Variants in MTPAP observed in about 807,000 individuals in gnomAD.
MTPAP encodes poly(A) RNA polymerase, mitochondrial.
A neutral mutation model predicts 48.7 loss-of-function variants in MTPAP; 23 were observed. The ratio of observed to expected loss-of-function variants is 0.47; its 90% CI spans 0.34 to 0.67. The LOEUF is 0.67. Among genes scored for constraint, MTPAP ranks in the 30% least tolerant of loss-of-function variants. The probability of loss-of-function intolerance (pLI) is 0.01; values close to 1 mark genes in which losing one functional copy is unlikely to be tolerated. For synonymous variants in MTPAP, 257 were observed against 254.1 expected, an observed-to-expected ratio of 1.01 and a Z score of -0.11; for missense variants, 614 against 694.3, an observed-to-expected ratio of 0.88 and a Z score of 1.30.
chr10:30,332,886 C>T lies in MTPAP; in HGVS notation c.780+3917G>A, dbSNP rs374637080. Among the ~76,000 whole-genome samples, 4 of 152,024 alleles carry T rather than the reference C, an allele frequency of 2.6e-5. No individual in the cohort carries two copies. The East Asian group carries it at 7.7e-4, about 29-fold the overall frequency. On this transcript the variant is annotated intron_variant, in intron 4 of 8. Transcript: ENST00000263063. Reference sequence around the variant, plus strand: ...CCTGTAATCCCAGCACTTTGGGAGGCAGAGGCAGGCAGATCACGAGGTCAG... The same window carrying T: ...CCTGTAATCCCAGCACTTTGGGAGGTAGAGGCAGGCAGATCACGAGGTCAG...
At position 30,313,615 on chromosome 10, in the gene MTPAP, CTGAGTACTA is replaced by C; in HGVS notation, c.1734_1742del (p.Ile578_Gln581delinsMet). Reference sequence around the variant, plus strand: ...TTACACAATGTAGCAGCCATCATGTCTGAGTACTAATTGTTCTCTTCCCACTGGTTTTTG... The same window carrying C: ...TTACACAATGTAGCAGCCATCATGTCATTGTTCTCTTCCCACTGGTTTTTG... On this transcript the variant is annotated inframe_deletion, in exon 9 of 9. Coordinates refer to ENST00000263063, the MANE Select transcript of MTPAP (RefSeq NM_018109.4). 1 of 1,614,190 alleles carries C rather than the reference CTGAGTACTA, an allele frequency of 6.2e-7. No individual in the cohort carries two copies. Among genetic ancestry groups the C allele is most frequent in the Non-Finnish European group, 8.5e-7 (1 of 1,180,016 alleles).
At chr10:30,335,511 T>C (rs1217359870) in intron 4 of MTPAP, among the ~76,000 whole-genome samples, 1 of 151,962 alleles carries the variant, frequency 6.6e-6, no homozygotes, top group Non-Finnish European at 1.5e-5. Context: ...AAAATAAAAA[T>C]AAATAGCCTT....
At chr10:30,316,350 C>T (rs1840662107) in intron 6 of MTPAP, 140 bp from the exon 7 acceptor site, 1 of 704,692 alleles carries the variant, frequency 1.4e-6, no homozygotes, top group African/African-American at 1.8e-5. Context: ...TCCAGCAATT[C>T]TCCTGCCTCA....
chr10:30,321,821 A>G (rs180961461), intron 6 of MTPAP, among the ~76,000 whole-genome samples: 6 of 152,356 alleles, frequency 3.9e-5, no homozygotes, highest in Admixed American at 1.3e-4. Flanking sequence ...ATTTTATAAC[A>G]TAACTTCTCC....
intron 1 of MTPAP, among the ~76,000 whole-genome samples, chr10:30,342,646 G>T (rs1834826084): frequency 6.6e-6 from 1 of 151,214 alleles, no homozygotes; most frequent in Admixed American, 6.6e-5. Flanking sequence ...AAGCCTAAAA[G>T]AAATTATTAC....
chr10:30,323,183 T>C (rs1329175506), intron 5 of MTPAP, among the ~76,000 whole-genome samples: 2 of 148,480 alleles, frequency 1.3e-5, no homozygotes, highest in East Asian at 4.0e-4. Context: ...CCAGGCGTAG[T>C]GGCTCATGCC....
At chr10:30,347,539 C>T (rs1297726749) in intron 1 of MTPAP, among the ~76,000 whole-genome samples, 1 of 152,168 alleles carries the variant, frequency 6.6e-6, no homozygotes, top group Non-Finnish European at 1.5e-5. Context: ...GAAACATTTC[C>T]TTAAAAAAGA....
At chr10:30,346,048 A>G (rs1462816758) in intron 1 of MTPAP, among the ~76,000 whole-genome samples, 1 of 151,972 alleles carries the variant, frequency 6.6e-6, no homozygotes, top group Admixed American at 6.6e-5. Context: ...CAAAAGAAAA[A>G]AAAAAAAAAA....
intron 6 of MTPAP, among the ~76,000 whole-genome samples, chr10:30,318,247 T>A (rs1484543626): frequency 6.6e-6 from 1 of 152,182 alleles, no homozygotes; most frequent in Non-Finnish European, 1.5e-5. Context: ...TTTTTTGTCA[T>A]TTTTTTGTCA....
rs1390957889 is a variant in MTPAP, at chr10:30,316,170, T to C, written c.1260A>G (p.Thr420=). 5.0e-6 allele frequency: 8 copies of C among 1,613,934 alleles called. No individual in the cohort carries two copies. The highest frequency in any genetic ancestry group is 5.9e-6 in the Non-Finnish European group (7 of 1,179,956). Residue 420 remains threonine, a synonymous_variant, in exon 7 of 9, where the codon ACA becomes ACG. Coordinates refer to ENST00000263063, the MANE Select transcript of MTPAP (RefSeq NM_018109.4). ...DKCVIEGNNC[T]FVRDLSRIKP... ...TAATTCTACTCAAGTCACGAACAAA[T>C]GTGCAGTTGTTGCCTTCTATTACAC...
chr10:30,323,011 C>T (rs1840742900), intron 5 of MTPAP, among the ~76,000 whole-genome samples: 1 of 149,384 alleles, frequency 6.7e-6, no homozygotes, highest in South Asian at 2.1e-4. Flanking sequence ...CCCCCGTAAT[C>T]CCAGCTACTC....
At chr10:30,320,022 A>G (rs1487072139) in intron 6 of MTPAP, among the ~76,000 whole-genome samples, 1 of 152,194 alleles carries the variant, frequency 6.6e-6, no homozygotes, top group Non-Finnish European at 1.5e-5. Flanking sequence ...GCACTTGGGG[A>G]GGCTGAGAAG....
At chr10:30,346,893 G>A (rs1834879510) in intron 1 of MTPAP, among the ~76,000 whole-genome samples, 1 of 152,104 alleles carries the variant, frequency 6.6e-6, no homozygotes, top group Non-Finnish European at 1.5e-5. Context: ...AGCTGCTGGT[G>A]ACCATCACCC....
Position 30,313,275 on chromosome 10 carries a change from T to C in MTPAP, c.*334A>G. 1 of 265,672 alleles carries C rather than the reference T, an allele frequency of 3.8e-6. No individual in the cohort carries two copies. Among genetic ancestry groups the C allele is most frequent in the Non-Finnish European group, 7.2e-6 (1 of 138,358 alleles). 16.5% of individuals were successfully genotyped at this position (265,672 alleles called of 1,614,324 possible). On this transcript the variant is annotated 3_prime_UTR_variant, in exon 9 of 9. Coordinates refer to ENST00000263063, the MANE Select transcript of MTPAP (RefSeq NM_018109.4). Reference sequence around the variant, plus strand: ...GTGGCTTATGTTTATTTTCATTTTTTTTAGAGATGGAATCTTGCTATGTTG... The same window carrying C: ...GTGGCTTATGTTTATTTTCATTTTTCTTAGAGATGGAATCTTGCTATGTTG...
rs1034370970 is a variant in MTPAP, at chr10:30,328,847, G to A, written c.781-2212C>T. Among the ~76,000 whole-genome samples the A allele has an allele frequency of 2.0e-5, 3 of 152,252 alleles. 1 individual carries two copies. The highest frequency in any genetic ancestry group is 1.3e-4 in the Admixed American group (2 of 15,274). On this transcript the variant is annotated intron_variant, in intron 4 of 8. Coordinates refer to ENST00000263063, the MANE Select transcript of MTPAP (RefSeq NM_018109.4). ...GCATGAAAAAGAAAAGAAAATCAGT[G>A]CGGGTAGGGAGGAAGGAGTTAAGGA... is the stretch of plus-strand genomic sequence containing the variant.
Position 30,349,154 on chromosome 10 carries a change from C to T in MTPAP, c.122G>A (p.Arg41Lys), listed in dbSNP as rs1357808156. 4 of 1,613,666 alleles carry T rather than the reference C, an allele frequency of 2.5e-6. No individual in the cohort carries two copies. Among genetic ancestry groups the T allele is most frequent in the Non-Finnish European group, 3.4e-6 (4 of 1,179,852 alleles). ...SCPGTVAKDL[R>K]RDEQPSGSVE... is the part of the protein sequence containing the mutation. The stretch of plus-strand genomic sequence containing the variant: ...GCTCCCTGAAGGCTGCTCGTCTCTC[C>T]TAAGGTCTTTGGCCACAGTTCCTGG... The change falls in exon 1 of 9, where the codon AGG becomes AAG. Residue 41 changes from arginine to lysine, a missense_variant. By Grantham distance (26) the Arg-to-Lys change is conservative. Around this residue, in one of 5 missense-constraint regions of MTPAP, gnomAD observed 125 missense variants for 111.5 expected, o/e 1.12. Transcript: ENST00000263063.
chr10:30,319,241 A>G (rs567448507), intron 6 of MTPAP, among the ~76,000 whole-genome samples: 2 of 152,346 alleles, frequency 1.3e-5, no homozygotes, highest in East Asian at 3.9e-4. Context: ...CCCTGCATAC[A>G]ATGTGAAAAA....
Position 30,310,898 on chromosome 10 carries a change from C to CA in MTPAP, c.*2710dup, listed in dbSNP as rs11415607. ...TGGGTGACAGAGCAAGATTTGCTCTCAAAAAAAAAAACAAAAAACAAGTCT... is the reference window on the plus strand; with the variant it reads ...TGGGTGACAGAGCAAGATTTGCTCTCAAAAAAAAAAAACAAAAAACAAGTCT... On this transcript the variant is annotated 3_prime_UTR_variant, in exon 9 of 9. Transcript: ENST00000263063. 24,036 of 134,452 alleles carry CA rather than the reference C, an allele frequency of 0.18. 3,470 individuals carry two copies. Among genetic ancestry groups the CA allele is most frequent in the East Asian group, 0.53 (2,616 of 4,890 alleles). The allele number at this position is 134,452 out of a possible 1,614,324, so 8.3% of individuals were successfully genotyped here. A position where few individuals can be genotyped will look rare whatever the true frequency, so the allele number is the denominator to read the frequency against.
rs1260289602 is a variant in MTPAP at position 30,314,106 on chromosome 10, G to C, written c.1387-135C>G. 6 of 1,095,352 alleles carry C rather than the reference G, an allele frequency of 5.5e-6. No homozygotes were observed. The Admixed American group carries it at 8.2e-5, about 15-fold the overall frequency. 67.9% of individuals were successfully genotyped at this position (1,095,352 alleles called of 1,614,324 possible). A position where few individuals can be genotyped will look rare whatever the true frequency, so the allele number is the denominator to read the frequency against. ...TACATAGCAAAGAATTTCTTTCTCAGGGGATTGAGTATGTATGCATGGTGG... is the reference window on the plus strand; with the variant it reads ...TACATAGCAAAGAATTTCTTTCTCACGGGATTGAGTATGTATGCATGGTGG... On this transcript the variant is annotated intron_variant, in intron 8 of 8. Coordinates refer to ENST00000263063, the MANE Select transcript of MTPAP (RefSeq NM_018109.4).
Sources: gnomAD v4.1 joint callset for allele counts (sites outside exome capture counted in the v4.1 genomes callset) on GRCh38, gnomAD v4.1.1 for gene constraint, gnomAD v4.1.1 regional missense constraint, MANE v1.5 for transcripts, NCBI Gene and HGNC (gene_info 2026-07-23, HGNC 2026-07-21) for gene names.